NBAS: variants seen among roughly 807,000 people sequenced by gnomAD.
The protein encoded by NBAS is NBAS subunit of NRZ tethering complex, also known as NAG/BC035112 fusion.
NBAS carries 219 observed loss-of-function variants against 302.5 expected under a neutral mutation model. The ratio of observed to expected loss-of-function variants is 0.72; its 90% confidence interval spans 0.65 to 0.81. NBAS has a LOEUF of 0.81. NBAS is among the 30% of genes least tolerant of loss of function. The pLI is 0.00. For missense variants in NBAS, 2,932 were observed against 2,841.6 expected, an observed-to-expected ratio of 1.03 and a Z score of -0.72; for synonymous variants, 1,118 against 1,021.6, an observed-to-expected ratio of 1.09 and a Z score of -1.80.
At chr2:15,271,483 G>C (rs958530727) in intron 44 of NBAS, among the ~76,000 whole-genome samples, 2 of 152,174 alleles carry the variant, frequency 1.3e-5, no homozygotes, top group South Asian at 2.1e-4. Context: ...GCACGTGCAA[G>C]GTGGGGGAAA....
At chr2:15,269,262 A>G (rs1020788701) in intron 44 of NBAS, among the ~76,000 whole-genome samples, 1 of 152,214 alleles carries the variant, frequency 6.6e-6, no homozygotes, top group African/African-American at 2.4e-5. Context: ...CAGAGGAGGC[A>G]GTATGGATGG....
intron 6 of NBAS, among the ~76,000 whole-genome samples, chr2:15,550,093 G>T (rs1410258551): frequency 6.6e-6 from 1 of 152,134 alleles, no homozygotes; most frequent in East Asian, 1.9e-4. Context: ...GAGCCCATGA[G>T]GTCAGGCTGC....
chr2:14,791,639 T>TA, the NBAS span, among the ~76,000 whole-genome samples: 2 of 151,696 alleles, frequency 1.3e-5, no homozygotes, highest in African/African-American at 4.8e-5. Flanking sequence ...CCATCTCTAC[T>TA]AAAAATACAA....
chr2:15,186,109 CAT>C (rs59998941), intron 50 of NBAS, among the ~76,000 whole-genome samples: 51 of 144,918 alleles, frequency 3.5e-4, no homozygotes, highest in African/African-American at 3.9e-4. Flanking sequence ...CACACACACA[CAT>C]ATGTGTATGT....
chr2:15,197,479 C>CT (rs975746306), intron 48 of NBAS, among the ~76,000 whole-genome samples: 12 of 152,044 alleles, frequency 7.9e-5, no homozygotes, highest in African/African-American at 2.2e-4. Context: ...TGAGCATCTA[C>CT]TTTTTTTTAC....
chr2:14,833,578 A>G, the NBAS span, among the ~76,000 whole-genome samples: 1 of 152,146 alleles, frequency 6.6e-6, no homozygotes, highest in Non-Finnish European at 1.5e-5. Context: ...TTTCATAAAC[A>G]GTCTGTATAT....
intron 28 of NBAS, among the ~76,000 whole-genome samples, chr2:15,390,868 A>G (rs1216466073): frequency 2.0e-5 from 3 of 152,272 alleles, no homozygotes; most frequent in African/African-American, 7.2e-5. Context: ...TAATCCCAGC[A>G]CTTTGGAAGG....
chr2:15,519,756 T>C (rs369980963), intron 9 of NBAS, among the ~76,000 whole-genome samples: 1 of 152,286 alleles, frequency 6.6e-6, no homozygotes, highest in South Asian at 2.1e-4. Flanking sequence ...AGAATTTGCA[T>C]TTCTAACCAT....
chr2:14,781,343 C>G, the NBAS span, among the ~76,000 whole-genome samples: 1 of 152,176 alleles, frequency 6.6e-6, no homozygotes, highest in Non-Finnish European at 1.5e-5. Flanking sequence ...ACCAGTTAAT[C>G]CTGAAAAGTG....
chr2:15,289,621 C>A (rs915875946), intron 41 of NBAS, among the ~76,000 whole-genome samples: 1 of 152,146 alleles, frequency 6.6e-6, no homozygotes, highest in South Asian at 2.1e-4. Context: ...AGTTACCCTG[C>A]CTGACCCCTG....
intron 19 of NBAS, among the ~76,000 whole-genome samples, chr2:15,464,829 G>A (rs1247393524): frequency 6.6e-6 from 1 of 152,022 alleles, no homozygotes; most frequent in Non-Finnish European, 1.5e-5. Context: ...CCTTTGTTCT[G>A]TGCCACCCCT....
At chr2:14,893,738 C>G in the NBAS span, among the ~76,000 whole-genome samples, 1 of 152,186 alleles carries the variant, frequency 6.6e-6, no homozygotes, top group South Asian at 2.1e-4. Flanking sequence ...CTCCCCACCC[C>G]AGTCCATCCT....
chr2:15,362,048 T>C (rs1468985236), intron 32 of NBAS, among the ~76,000 whole-genome samples: 1 of 151,864 alleles, frequency 6.6e-6, no homozygotes, highest in African/African-American at 2.4e-5. Context: ...TAAGCTATAA[T>C]ATGGTTTGGA....
At position 15,445,081 on chromosome 2, in the gene NBAS, G is replaced by A. The variant is rs866032475; in HGVS notation, c.2339+16120C>T. Among the ~76,000 whole-genome samples, 912 of 151,742 alleles carry A rather than the reference G, an allele frequency of 6.0e-3. 7 individuals are homozygous for A. The highest frequency in any genetic ancestry group is 0.02 in the African/African-American group (832 of 41,186). Reference sequence around the variant, plus strand: ...GGGACTGTAAACTAGTTCAACCACTGTGGAAGTCAGTGTGGTGATTCCTCA... The same window carrying A: ...GGGACTGTAAACTAGTTCAACCACTATGGAAGTCAGTGTGGTGATTCCTCA... On this transcript the variant is annotated intron_variant, in intron 21 of 51. Coordinates refer to ENST00000281513, the MANE Select transcript of NBAS (RefSeq NM_015909.4).
intron 21 of NBAS, among the ~76,000 whole-genome samples, chr2:15,443,132 A>T (rs1187806433): frequency 2.0e-5 from 3 of 152,176 alleles, no homozygotes; most frequent in Non-Finnish European, 4.4e-5. Flanking sequence ...AAAAAGAGGG[A>T]ATCCTCCCTA....
At chr2:15,355,609 T>C (rs943261193) in intron 33 of NBAS, among the ~76,000 whole-genome samples, 1 of 152,042 alleles carries the variant, frequency 6.6e-6, no homozygotes, top group African/African-American at 2.4e-5. Context: ...AGATCATGGG[T>C]GCAATTTCTC....
At chr2:14,895,848 G>A in the NBAS span, among the ~76,000 whole-genome samples, 1 of 152,028 alleles carries the variant, frequency 6.6e-6, no homozygotes, top group Non-Finnish European at 1.5e-5. Context: ...GACATCAAAA[G>A]GGGAGAGGGA....
intron 26 of NBAS, among the ~76,000 whole-genome samples, chr2:15,396,954 T>G (rs1460872725): frequency 6.6e-6 from 1 of 152,206 alleles, no homozygotes; most frequent in African/African-American, 2.4e-5. Flanking sequence ...TAATCATCCC[T>G]TGTGCTTTAA....
the NBAS span, among the ~76,000 whole-genome samples, chr2:14,803,834 GT>G: frequency 3.3e-5 from 5 of 152,032 alleles, no homozygotes; most frequent in Admixed American, 1.3e-4. Flanking sequence ...ATTTTTAGTG[GT>G]GATGGGGTTT....
Sources: allele counts gnomAD v4.1 joint callset (sites outside exome capture counted in the v4.1 genomes callset), GRCh38; gene constraint gnomAD v4.1.1; transcripts MANE v1.5; gene names NCBI Gene and HGNC (gene_info 2026-07-23, HGNC 2026-07-21).